Variants in NR3C2 observed in about 807,000 individuals in gnomAD.
The protein encoded by NR3C2 is nuclear receptor subfamily 3 group C member 2.
A neutral mutation model predicts 86.4 loss-of-function variants in NR3C2; 15 were observed. That is an observed-to-expected ratio of 0.17 (90% confidence interval 0.12 to 0.27). The LOEUF is 0.27. Ranked by LOEUF, NR3C2 falls within the 10% of genes least tolerant of loss-of-function variation. NR3C2 has a pLI of 1.00. For synonymous variants in NR3C2, 458 were observed against 450.5 expected, an observed-to-expected ratio of 1.02 and a Z score of -0.21; for missense variants, 960 against 1,195.6, an observed-to-expected ratio of 0.80 and a Z score of 2.91.
At chr4:148,314,652 T>G (rs1019532832) in intron 2 of NR3C2, among the ~76,000 whole-genome samples, 1 of 152,174 alleles carries the variant, frequency 6.6e-6, no homozygotes, top group Non-Finnish European at 1.5e-5. Flanking sequence ...CTAGAAAGGA[T>G]AACTTCACTT....
intron 4 of NR3C2, among the ~76,000 whole-genome samples, chr4:148,190,113 C>A (rs1736126384): frequency 6.6e-6 from 1 of 152,062 alleles, no homozygotes; most frequent in Non-Finnish European, 1.5e-5. Flanking sequence ...TTCTCTACTT[C>A]TTTGAGTTGT....
chr4:148,444,729 C>T (rs1185868840), upstream of NR3C2: 10 of 985,104 alleles, frequency 1.0e-5, no homozygotes, highest in Non-Finnish European at 1.2e-5. Context: ...GGCGGCGAGG[C>T]AGCGGCGCCA....
At chr4:148,093,786 A>G (rs1731160359) in intron 8 of NR3C2, among the ~76,000 whole-genome samples, 1 of 152,240 alleles carries the variant, frequency 6.6e-6, no homozygotes, top group Non-Finnish European at 1.5e-5. Context: ...GAAACAAAAC[A>G]GTGTTATTCT....
chr4:148,401,612 C>T (rs1239153219), intron 2 of NR3C2, among the ~76,000 whole-genome samples: 1 of 151,826 alleles, frequency 6.6e-6, no homozygotes, highest in African/African-American at 2.4e-5. Flanking sequence ...TGCAGGCACC[C>T]GCCACCACGC....
intron 2 of NR3C2, among the ~76,000 whole-genome samples, chr4:148,374,666 A>G (rs999736515): frequency 6.6e-6 from 1 of 152,230 alleles, no homozygotes; most frequent in Admixed American, 6.5e-5. Flanking sequence ...GAACTGAGGC[A>G]AAGTAGCCAA....
At chr4:148,250,070 A>G (rs1739502694) in intron 3 of NR3C2, among the ~76,000 whole-genome samples, 1 of 152,162 alleles carries the variant, frequency 6.6e-6, no homozygotes, top group Non-Finnish European at 1.5e-5. Flanking sequence ...AACAGTGCCG[A>G]GTGTCTAAGT....
intron 2 of NR3C2, among the ~76,000 whole-genome samples, chr4:148,279,114 G>A (rs1173335988): frequency 6.6e-6 from 1 of 152,140 alleles, no homozygotes; most frequent in Admixed American, 6.6e-5. Context: ...AGTGAGCCGA[G>A]ATTTCACCAT....
At chr4:148,196,147 A>G (rs1452463449) in intron 3 of NR3C2, among the ~76,000 whole-genome samples, 1 of 152,182 alleles carries the variant, frequency 6.6e-6, no homozygotes, top group Non-Finnish European at 1.5e-5. Context: ...ATGTATTCCA[A>G]AAGTAGAGCT....
At chr4:148,176,524 T>C (rs551446834) in intron 4 of NR3C2, among the ~76,000 whole-genome samples, 1 of 152,310 alleles carries the variant, frequency 6.6e-6, no homozygotes, top group Admixed American at 6.5e-5. Flanking sequence ...CCTCTACCTT[T>C]TCCCAGTAGA....
intron 2 of NR3C2, among the ~76,000 whole-genome samples, chr4:148,364,996 T>C (rs1361490571): frequency 6.6e-6 from 1 of 152,162 alleles, no homozygotes. Flanking sequence ...CACTAAGCCA[T>C]TAGAAAGCAA....
chr4:148,358,867 A>G (rs1031408104), intron 2 of NR3C2, among the ~76,000 whole-genome samples: 1 of 152,148 alleles, frequency 6.6e-6, no homozygotes, highest in Non-Finnish European at 1.5e-5. Flanking sequence ...CATACCAAGA[A>G]GAGTATTTCC....
intron 2 of NR3C2, among the ~76,000 whole-genome samples, chr4:148,429,252 C>T (rs1315619368): frequency 6.6e-6 from 1 of 152,164 alleles, no homozygotes; most frequent in Non-Finnish European, 1.5e-5. Flanking sequence ...ATTTCAGTTT[C>T]ATATCAGAGT....
intron 2 of NR3C2, among the ~76,000 whole-genome samples, chr4:148,292,040 A>C (rs1447590264): frequency 6.6e-6 from 1 of 152,108 alleles, no homozygotes; most frequent in African/African-American, 2.4e-5. Flanking sequence ...CTTCTACTGA[A>C]TGTATATTAC....
chr4:148,254,915 T>G (rs919347180), intron 3 of NR3C2, among the ~76,000 whole-genome samples: 4 of 152,156 alleles, frequency 2.6e-5, no homozygotes, highest in African/African-American at 9.7e-5. Context: ...AAATATACAT[T>G]AAATTATTCC....
intron 2 of NR3C2, among the ~76,000 whole-genome samples, chr4:148,285,421 C>T (rs1044238859): frequency 1.3e-5 from 2 of 152,104 alleles, no homozygotes; most frequent in African/African-American, 4.8e-5. Context: ...TTAAAAACTT[C>T]CTCCAGGCCG....
At chr4:148,277,987 A>G (rs1415339673) in intron 2 of NR3C2, among the ~76,000 whole-genome samples, 1 of 152,382 alleles carries the variant, frequency 6.6e-6, no homozygotes, top group South Asian at 2.1e-4. Context: ...AGGAGAATAC[A>G]TTCCTAGCAT....
rs372347592 is a variant in NR3C2, at chr4:148,212,788, T to C, written c.1898-17926A>G. On this transcript the variant is annotated intron_variant, in intron 3 of 8. Coordinates refer to ENST00000358102, the MANE Select transcript of NR3C2 (RefSeq NM_000901.5). The stretch of plus-strand genomic sequence containing the variant: ...ATTTAATCGCATGATCCATTTGTGA[T>C]AAAACAAAAGTAGTTTTATTGTGTG... Among the ~76,000 whole-genome samples the C allele has an allele frequency of 3.3e-5, 5 of 152,358 alleles. No homozygotes were observed. The South Asian group carries it at 1.0e-3, about 32-fold the overall frequency.
At chr4:148,302,841 C>T (rs1023350494) in intron 2 of NR3C2, among the ~76,000 whole-genome samples, 41 of 122,628 alleles carry the variant, frequency 3.3e-4, no homozygotes, top group African/African-American at 8.8e-4. Context: ...AGCGAAACTC[C>T]GTCTCAAAAA....
At chr4:148,362,466 T>TTTTAAA (rs1745886436) in intron 2 of NR3C2, among the ~76,000 whole-genome samples, 1 of 152,224 alleles carries the variant, frequency 6.6e-6, no homozygotes, top group Non-Finnish European at 1.5e-5. Context: ...TTTAAAACTT[T>TTTTAAA]AAAATTTAAA....
Sources: allele counts gnomAD v4.1 joint callset (sites outside exome capture counted in the v4.1 genomes callset), GRCh38; gene constraint gnomAD v4.1.1; transcripts MANE v1.5; gene names NCBI Gene and HGNC (gene_info 2026-07-23, HGNC 2026-07-21).